Variants in LAMA2 observed in about 807,000 individuals in gnomAD.
The protein encoded by LAMA2 is laminin subunit alpha 2.
LAMA2 carries 269 observed loss-of-function variants against 364.8 expected under a neutral mutation model. The ratio of observed to expected loss-of-function variants is 0.74; its 90% CI spans 0.67 to 0.82. The LOEUF (loss-of-function observed/expected upper bound fraction) is 0.82. Ranked by LOEUF, LAMA2 falls within the 40% of genes least tolerant of loss-of-function variation. LAMA2 has a pLI of 0.00. For missense variants in LAMA2, 3,807 were observed against 3,873.2 expected (o/e 0.98, Z 0.45); for synonymous variants, 1,379 against 1,370.6 (o/e 1.01, Z -0.14).
At chr6:129,250,332 T>C in intron 13 of LAMA2, 119 bp downstream of exon 13, 2 of 707,066 alleles carry the variant, frequency 2.8e-6, no homozygotes, top group Admixed American at 2.0e-5. Context: ...AAAAAAAATA[T>C]ACCTTAGGAG....
chr6:129,172,902 A>G (rs1314391540), intron 9 of LAMA2, among the ~76,000 whole-genome samples: 8 of 152,194 alleles, frequency 5.3e-5, no homozygotes, highest in African/African-American at 1.9e-4. Flanking sequence ...CCGTCGGAAA[A>G]GCGCAGTATT....
At chr6:129,440,420 G>A (rs903719716) in intron 42 of LAMA2, among the ~76,000 whole-genome samples, 7 of 151,796 alleles carry the variant, frequency 4.6e-5, no homozygotes, top group Non-Finnish European at 7.4e-5. Context: ...ATGAAAATAC[G>A]TTAGTTTCCC....
chr6:128,955,080 T>C (rs1010225181), intron 1 of LAMA2, among the ~76,000 whole-genome samples: 9 of 151,906 alleles, frequency 5.9e-5, no homozygotes, highest in African/African-American at 2.2e-4. Flanking sequence ...TAGTAGTAAG[T>C]ACTACTATCT....
Position 129,503,230 on chromosome 6 carries a change from G to T in LAMA2, c.8497G>T (p.Asp2833Tyr), listed in dbSNP as rs794727815. The change falls in exon 60 of 65, where the codon GAC becomes TAC. Residue 2833 changes from aspartate (D) to tyrosine (Y), a missense_variant. This residue lies in a region of LAMA2 where 3,333 missense variants were observed against 3,345.7 expected (regional missense o/e 1.00). Coordinates refer to ENST00000421865, the MANE Select transcript of LAMA2 (RefSeq NM_000426.4). ...PYFSYDLGSG[D>Y]THTMIPTKIN... ...CTTCAGCTATGACTTGGGGAGTGGGGACACCCACACCATGATCCCCACCAA... is the reference window on the plus strand; with the variant it reads ...CTTCAGCTATGACTTGGGGAGTGGGTACACCCACACCATGATCCCCACCAA... 6.8e-6 allele frequency: 11 copies of T among 1,613,944 alleles called. No individual in the cohort carries two copies. The African/African-American group carries it at 9.3e-5, about 14-fold the overall frequency.
chr6:129,261,820 A>T (rs1216875490), intron 15 of LAMA2, among the ~76,000 whole-genome samples: 1 of 152,134 alleles, frequency 6.6e-6, no homozygotes, highest in Non-Finnish European at 1.5e-5. Flanking sequence ...AAATAAAACT[A>T]GATATAACTT....
chr6:129,138,325 C>A (rs1159280392), intron 4 of LAMA2, among the ~76,000 whole-genome samples: 1 of 151,762 alleles, frequency 6.6e-6, no homozygotes, highest in Non-Finnish European at 1.5e-5. Context: ...ATAAAAATAA[C>A]CCTAAAAATG....
chr6:129,207,497 G>A (rs6921635), intron 12 of LAMA2, among the ~76,000 whole-genome samples: 11,010 of 152,094 alleles, frequency 0.072, 725 homozygotes, highest in African/African-American at 0.18. Flanking sequence ...GATGTGGGTT[G>A]GAGGAGCCCC....
At position 129,446,436 on chromosome 6, in the gene LAMA2, A is replaced by G. The variant is rs539685056; in HGVS notation, c.6429+615A>G. 7.4e-4 allele frequency among the ~76,000 whole-genome samples: 110 copies of G among 147,890 alleles called. No individual in the cohort carries two copies. The South Asian group carries it at 7.8e-3, about 10-fold the overall frequency. On this transcript the variant is annotated intron_variant, in intron 45 of 64. Transcript: ENST00000421865. ...GAAACAGAGCTTTCTAGAAGGTAGC[A>G]TGCTAATGAGCCAGGGCAGAGTTGC...
chr6:128,968,972 G>C (rs1041762201), intron 1 of LAMA2, among the ~76,000 whole-genome samples: 16 of 152,128 alleles, frequency 1.1e-4, no homozygotes, highest in African/African-American at 3.6e-4. Context: ...AGGAGACAAG[G>C]GTTGGAGGCA....
At chr6:128,990,140 A>G (rs1783517225) in intron 1 of LAMA2, among the ~76,000 whole-genome samples, 1 of 152,232 alleles carries the variant, frequency 6.6e-6, no homozygotes, top group Non-Finnish European at 1.5e-5. Context: ...TATCTTACAG[A>G]GATATGTTTC....
At position 129,124,881 on chromosome 6, in the gene LAMA2, T is replaced by C. The variant is rs559464647; in HGVS notation, c.640-19020T>C. Among the ~76,000 whole-genome samples, 3 of 152,246 alleles carry C rather than the reference T, an allele frequency of 2.0e-5. 1 individual carries two copies. The highest frequency in any genetic ancestry group is 7.2e-5 in the African/African-American group (3 of 41,528). On this transcript the variant is annotated intron_variant, in intron 4 of 64. Coordinates refer to ENST00000421865, the MANE Select transcript of LAMA2 (RefSeq NM_000426.4). The stretch of plus-strand genomic sequence containing the variant: ...CTGTACCCACTCCCTGAAAATCTGC[T>C]TGCTCTAGCTGTGTTGGATTGATGT...
chr6:129,020,668 C>T (rs1785397813), intron 1 of LAMA2, among the ~76,000 whole-genome samples: 1 of 152,122 alleles, frequency 6.6e-6, no homozygotes, highest in African/African-American at 2.4e-5. Flanking sequence ...GTTTCCTCTC[C>T]TGAGATAGGA....
At chr6:129,434,695 C>T (rs1481299695) in intron 41 of LAMA2, among the ~76,000 whole-genome samples, 1 of 152,132 alleles carries the variant, frequency 6.6e-6, no homozygotes, top group Non-Finnish European at 1.5e-5. Flanking sequence ...TATGGATACA[C>T]TATGCCTCCT....
At position 129,503,254 on chromosome 6, in the gene LAMA2, A is replaced by G; in HGVS notation, c.8521A>G (p.Lys2841Glu). 6.2e-7 allele frequency: 1 copy of G among 1,614,010 alleles called. No individual in the cohort carries two copies. Among genetic ancestry groups the G allele is most frequent in the East Asian group, 2.2e-5 (1 of 44,866 alleles). Residue 2841 changes from lysine (K) to glutamate (E), a missense_variant, in exon 60 of 65, where the codon AAA becomes GAA. By Grantham distance (56) the Lys-to-Glu change is moderately conservative (BLOSUM62 1). Coordinates refer to ENST00000421865, the MANE Select transcript of LAMA2 (RefSeq NM_000426.4). ...GGACACCCACACCATGATCCCCACC[A>G]AAATCAATGATGGCCAGTGGCACAA... ...SGDTHTMIPT[K>E]INDGQWHKIK...
At chr6:128,960,688 T>C (rs1274627729) in intron 1 of LAMA2, among the ~76,000 whole-genome samples, 3 of 152,226 alleles carry the variant, frequency 2.0e-5, no homozygotes, top group Non-Finnish European at 4.4e-5. Context: ...TTTCCTTTTC[T>C]TTATATTCTA....
chr6:129,050,323 G>A (rs1334723927), intron 2 of LAMA2, among the ~76,000 whole-genome samples: 1 of 152,202 alleles, frequency 6.6e-6, no homozygotes, highest in Non-Finnish European at 1.5e-5. Flanking sequence ...GCCTGTGGCA[G>A]TCATTGGGTT....
chr6:129,183,406 A>G (rs1781045697), intron 10 of LAMA2, among the ~76,000 whole-genome samples: 1 of 152,014 alleles, frequency 6.6e-6, no homozygotes, highest in Non-Finnish European at 1.5e-5. Flanking sequence ...ATAGTGAAGT[A>G]GAAGACTAGA....
intron 2 of LAMA2, among the ~76,000 whole-genome samples, chr6:129,056,518 T>C (rs1445305207): frequency 5.3e-5 from 8 of 152,176 alleles, no homozygotes; most frequent in African/African-American, 1.9e-4. Flanking sequence ...AATTTACCAA[T>C]AATAATGGAA....
chr6:128,957,711 G>A (rs907663080), intron 1 of LAMA2, among the ~76,000 whole-genome samples: 4 of 152,022 alleles, frequency 2.6e-5, no homozygotes, highest in South Asian at 2.1e-4. Flanking sequence ...GGCTGTCTCC[G>A]TGGCTGGATG....
Sources: gnomAD v4.1 joint callset for allele counts (sites outside exome capture counted in the v4.1 genomes callset) on GRCh38, gnomAD v4.1.1 for gene constraint, gnomAD v4.1.1 regional missense constraint, MANE v1.5 for transcripts, NCBI Gene and HGNC (gene_info 2026-07-23, HGNC 2026-07-21) for gene names.